LRRFIP2: variants seen among roughly 807,000 people sequenced by gnomAD.
The protein encoded by LRRFIP2 is leucine-rich repeat flightless-interacting protein 2.
A neutral mutation model predicts 125.9 loss-of-function variants in LRRFIP2; 109 were observed. The observed-to-expected ratio is 0.87, with a 90% confidence interval of 0.74 to 1.01. The LOEUF is 1.01. Ranked by LOEUF, LRRFIP2 falls within the 50% of genes least tolerant of loss-of-function variation. The probability of loss-of-function intolerance (pLI) is 0.00; values close to 1 mark genes in which losing one functional copy is unlikely to be tolerated. For missense variants in LRRFIP2, 850 were observed against 862.3 expected (o/e 0.99, Z 0.18); for synonymous variants, 291 against 293.1 (o/e 0.99, Z 0.07).
chr3:37,123,392 T>C (rs923487479), intron 4 of LRRFIP2, among the ~76,000 whole-genome samples: 2 of 152,206 alleles, frequency 1.3e-5, no homozygotes, highest in African/African-American at 4.8e-5. Context: ...TTTCGCCATG[T>C]TGGCCAGGCT....
At chr3:37,114,922 G>T in intron 7 of LRRFIP2, 132 bp downstream of exon 7, 2 of 655,554 alleles carry the variant, frequency 3.1e-6, no homozygotes, top group Admixed American at 2.8e-5. Context: ...TTAGCTTTTT[G>T]CTTTGTTAGT....
At chr3:37,072,250 T>C (rs1465659343) in intron 21 of LRRFIP2, among the ~76,000 whole-genome samples, 2 of 151,970 alleles carry the variant, frequency 1.3e-5, no homozygotes, top group South Asian at 2.1e-4. Flanking sequence ...CCTATAATCC[T>C]AGCACTTTGG....
chr3:37,108,254 T>C, intron 12 of LRRFIP2, 125 bp from the exon 13 acceptor site: 1 of 747,806 alleles, frequency 1.3e-6, no homozygotes, highest in Non-Finnish European at 2.2e-6. Context: ...TGTTATTCAG[T>C]GGTGTAGAAC....
intron 6 of LRRFIP2, among the ~76,000 whole-genome samples, chr3:37,117,482 T>G (rs1243062640): frequency 6.6e-6 from 1 of 152,108 alleles, no homozygotes; most frequent in Non-Finnish European, 1.5e-5. Flanking sequence ...TTGGCCTTTA[T>G]ATTGTTGTAA....
chr3:37,169,742 T>G (rs1436310424), intron 1 of LRRFIP2, among the ~76,000 whole-genome samples: 1 of 152,196 alleles, frequency 6.6e-6, no homozygotes, highest in Admixed American at 6.5e-5. Flanking sequence ...AGTAAAGATA[T>G]CTGTTATATC....
At chr3:37,162,988 A>G (rs140392024) in intron 1 of LRRFIP2, among the ~76,000 whole-genome samples, 3 of 152,366 alleles carry the variant, frequency 2.0e-5, no homozygotes, top group African/African-American at 7.2e-5. Context: ...TTAGCTTAGA[A>G]GCAAAACCAC....
At position 37,121,597 on chromosome 3, in the gene LRRFIP2, G is replaced by A. The variant is rs1028774619; in HGVS notation, c.285+38C>T. On this transcript the variant is annotated intron_variant, in intron 5 of 27. Coordinates refer to ENST00000336686, the MANE Select transcript of LRRFIP2 (RefSeq NM_006309.4). ...TGAGTGATTACATTAAGCTAATGAG[G>A]AAAAGTATTAGAGGCAAGTGTATAG... 1.9e-6 allele frequency: 3 copies of A among 1,613,474 alleles called. No homozygotes were observed. In the Admixed American group the frequency reaches 5.0e-5, roughly 27 times the overall value.
chr3:37,081,778 C>G (rs562831665), intron 19 of LRRFIP2, among the ~76,000 whole-genome samples: 7 of 151,270 alleles, frequency 4.6e-5, no homozygotes, highest in Non-Finnish European at 7.4e-5. Context: ...GTCCCAGCTA[C>G]TCAGGAGGCT....
intron 1 of LRRFIP2, among the ~76,000 whole-genome samples, chr3:37,172,269 T>C (rs2096596045): frequency 6.6e-6 from 1 of 152,150 alleles, no homozygotes; most frequent in Non-Finnish European, 1.5e-5. Context: ...AACCTAAATA[T>C]CTGTCAATAG....
At chr3:37,135,389 C>T (rs1481440549) in intron 2 of LRRFIP2, among the ~76,000 whole-genome samples, 1 of 149,196 alleles carries the variant, frequency 6.7e-6, no homozygotes, top group African/African-American at 2.5e-5. Flanking sequence ...ACCCAGGAGG[C>T]GGAGGCTGCA....
intron 4 of LRRFIP2, among the ~76,000 whole-genome samples, chr3:37,124,469 T>G (rs1233764326): frequency 2.0e-5 from 3 of 152,164 alleles, no homozygotes. Context: ...TGAATACTTT[T>G]GCACAGTGGC....
At chr3:37,068,249 T>C (rs2090513314) in intron 21 of LRRFIP2, 1 of 152,218 alleles carries the variant, frequency 6.6e-6, no homozygotes, top group Admixed American at 6.5e-5. Flanking sequence ...AGTTATGTCA[T>C]GTATCACCAC....
At chr3:37,167,758 C>T (rs757967315) in intron 1 of LRRFIP2, among the ~76,000 whole-genome samples, 1 of 151,800 alleles carries the variant, frequency 6.6e-6, no homozygotes, top group East Asian at 1.9e-4. Flanking sequence ...CCAAGGCTGG[C>T]GGAGCTCAGG....
At chr3:37,074,763 C>A (rs1199447554) in intron 20 of LRRFIP2, among the ~76,000 whole-genome samples, 1 of 152,152 alleles carries the variant, frequency 6.6e-6, no homozygotes, top group African/African-American at 2.4e-5. Flanking sequence ...TTGCCCATTT[C>A]CTAAGATATC....
chr3:37,053,587 A>G lies in LRRFIP2; in HGVS notation c.*264T>C. 2.6e-6 allele frequency: 1 copy of G among 388,002 alleles called. No homozygotes were observed. Among genetic ancestry groups the G allele is most frequent in the Non-Finnish European group, 4.7e-6 (1 of 211,206 alleles). The allele number at this position is 388,002 out of a possible 1,614,324, so 24.0% of individuals were successfully genotyped here. Reference sequence around the variant, plus strand: ...AGGCAGCTGGGGAAAAACGTTGAGTAAACATGATTCTACAATTACGGAGAT... The same window carrying G: ...AGGCAGCTGGGGAAAAACGTTGAGTGAACATGATTCTACAATTACGGAGAT... On this transcript the variant is annotated 3_prime_UTR_variant, in exon 28 of 28. Transcript: ENST00000336686.
intron 9 of LRRFIP2, among the ~76,000 whole-genome samples, chr3:37,110,172 C>T (rs141876871): frequency 1.3e-5 from 2 of 152,328 alleles, no homozygotes; most frequent in African/African-American, 2.4e-5. Flanking sequence ...TCTCTACAAA[C>T]ACTCTTTTCC....
chr3:37,074,197 GA>G (rs1213727366), intron 20 of LRRFIP2, among the ~76,000 whole-genome samples: 1 of 152,196 alleles, frequency 6.6e-6, no homozygotes, highest in African/African-American at 2.4e-5. Context: ...GAAAGAGGGA[GA>G]GAAAAAGAAA....
intron 15 of LRRFIP2, among the ~76,000 whole-genome samples, chr3:37,098,388 C>CTTTTTT (rs200770177): frequency 7.0e-6 from 1 of 142,944 alleles, no homozygotes; most frequent in Non-Finnish European, 1.6e-5. Context: ...AATTTTTTTT[C>CTTTTTT]TTTTTTTTCT....
At chr3:37,115,353 A>G (rs2094732088) in intron 6 of LRRFIP2, among the ~76,000 whole-genome samples, 1 of 151,984 alleles carries the variant, frequency 6.6e-6, no homozygotes, top group African/African-American at 2.4e-5. Flanking sequence ...CATAATCAGT[A>G]ATAGTGATAT....
Sources: gnomAD v4.1 joint callset for allele counts (sites outside exome capture counted in the v4.1 genomes callset) on GRCh38, gnomAD v4.1.1 for gene constraint, MANE v1.5 for transcripts, NCBI Gene and HGNC (gene_info 2026-07-23, HGNC 2026-07-21) for gene names.